The following GABRG3 variants were observed in gnomAD, a reference collection of about 807,000 sequenced individuals.
GABRG3 encodes the protein gamma-aminobutyric acid type A receptor subunit gamma3, also known as gamma-aminobutyric acid receptor subunit gamma-3.
GABRG3 carries 25 observed loss-of-function variants against 48.8 expected under a neutral mutation model. That is an observed-to-expected ratio of 0.51 (90% CI 0.37 to 0.72). The LOEUF (loss-of-function observed/expected upper bound fraction) is 0.72, where lower values mean the gene tolerates loss of function less well. GABRG3 is among the 30% of genes least tolerant of loss of function. The pLI is 0.00. For missense variants in GABRG3, 394 were observed against 577.9 expected (o/e 0.68, Z 3.26); for synonymous variants, 227 against 217.6 (o/e 1.04, Z -0.38).
In GABRG3 at chr15:27,086,116, GTTT is replaced by G. The variant is rs5811477; in HGVS notation, c.270+59310_270+59312del. ...AATTGAACCTTTTGGAGTTTTGGCA[GTTT>G]TTTTTTTTTTTTTTCTTGTAAAGGA... is the stretch of plus-strand genomic sequence containing the variant. On this transcript the variant is annotated intron_variant, in intron 3 of 9. Transcript: ENST00000615808. 6.7e-3 allele frequency among the ~76,000 whole-genome samples: 930 copies of G among 139,504 alleles called. 6 individuals carry two copies. Among genetic ancestry groups the G allele is most frequent in the African/African-American group, 0.014 (542 of 38,268 alleles). 91.5% of individuals were successfully genotyped at this position (139,504 alleles called of 152,430 possible). A position where few individuals can be genotyped will look rare whatever the true frequency, so the allele number is the denominator to read the frequency against.
intron 2 of GABRG3, among the ~76,000 whole-genome samples, chr15:27,020,734 C>T (rs544408129): frequency 3.3e-5 from 5 of 152,092 alleles, no homozygotes; most frequent in East Asian, 1.9e-4. Context: ...TTCTATCTCT[C>T]GCTTGTTTTT....
chr15:26,996,484 C>A (rs1200612870), intron 2 of GABRG3, among the ~76,000 whole-genome samples: 1 of 151,984 alleles, frequency 6.6e-6, no homozygotes, highest in Non-Finnish European at 1.5e-5. Flanking sequence ...TCTCTTGCGG[C>A]TTCCAAGATT....
chr15:27,436,995 T>TAGAGAGAG (rs10549691), intron 5 of GABRG3, among the ~76,000 whole-genome samples: 3,701 of 130,472 alleles, frequency 0.028, 144 homozygotes, highest in African/African-American at 0.087. Flanking sequence ...CTCCGAAAAA[T>TAGAGAGAG]AGAGAGAGAG....
intron 5 of GABRG3, among the ~76,000 whole-genome samples, chr15:27,436,101 A>G (rs967038030): frequency 6.6e-6 from 1 of 152,226 alleles, no homozygotes; most frequent in African/African-American, 2.4e-5. Flanking sequence ...ACAGTAGAAT[A>G]CCAAAGACTG....
chr15:27,532,427 CAAAAAA>C (rs374534463), intron 9 of GABRG3, among the ~76,000 whole-genome samples, 167 bp from the exon 10 acceptor site: 2 of 74,680 alleles, frequency 2.7e-5, no homozygotes, highest in Admixed American at 3.2e-4. Context: ...TCCTTAAAAC[CAAAAAA>C]AAAAAAAAAA....
rs979648994 is a variant in GABRG3, at chr15:27,026,760, C to T, written c.209C>T (p.Pro70Leu). Residue 70 changes from proline to leucine, a missense_variant, in exon 3 of 10, where the codon CCG becomes CTG. Pro to Leu is a moderately conservative substitution (Grantham distance 98). This residue lies in a region of GABRG3 where 218 missense variants were observed against 309.9 expected (regional missense o/e 0.70). Coordinates refer to ENST00000615808, the MANE Select transcript of GABRG3 (RefSeq NM_033223.5). ...KKLRPDIGIKPTVIDVDIYVN... is the reference protein window; with the variant it reads ...KKLRPDIGIKLTVIDVDIYVN... ...CATGTATTTTTCTCCACAGTAAAACCGACCGTAATTGACGTTGACATTTAT... is the reference window on the plus strand; with the variant it reads ...CATGTATTTTTCTCCACAGTAAAACTGACCGTAATTGACGTTGACATTTAT... 7 of 1,610,770 alleles carry T rather than the reference C, an allele frequency of 4.3e-6. No individual in the cohort carries two copies. The highest frequency in any genetic ancestry group is 1.3e-5 in the African/African-American group (1 of 74,914).
At chr15:27,191,878 T>C (rs1219449702) in intron 3 of GABRG3, among the ~76,000 whole-genome samples, 1 of 152,066 alleles carries the variant, frequency 6.6e-6, no homozygotes, top group Non-Finnish European at 1.5e-5. Context: ...TTTTCCTTTC[T>C]ATGTTTAGTG....
intron 6 of GABRG3, among the ~76,000 whole-genome samples, chr15:27,490,200 A>T (rs974394046): frequency 6.6e-6 from 1 of 152,196 alleles, no homozygotes; most frequent in Admixed American, 6.5e-5. Context: ...GAGCAGATTG[A>T]TTTTAGTTGG....
chr15:27,475,617 G>C (rs1334069939), intron 5 of GABRG3, among the ~76,000 whole-genome samples: 1 of 151,880 alleles, frequency 6.6e-6, no homozygotes, highest in African/African-American at 2.4e-5. Context: ...AATGGTGGTG[G>C]TGATGATGAT....
At chr15:27,239,647 A>C (rs2140452903) in intron 3 of GABRG3, among the ~76,000 whole-genome samples, 1 of 152,364 alleles carries the variant, frequency 6.6e-6, no homozygotes. Context: ...GAGATGCTTC[A>C]GAAATTATGT....
At chr15:27,395,776 A>C (rs908731689) in intron 5 of GABRG3, among the ~76,000 whole-genome samples, 4 of 152,242 alleles carry the variant, frequency 2.6e-5, no homozygotes, top group Admixed American at 2.6e-4. Context: ...AAAATATGGG[A>C]CAAATTCTGC....
chr15:27,205,725 T>TA (rs1408048004), intron 3 of GABRG3, among the ~76,000 whole-genome samples: 2 of 152,004 alleles, frequency 1.3e-5, no homozygotes, highest in African/African-American at 4.8e-5. Context: ...TTTTTTTTTT[T>TA]TTATTACTGA....
intron 5 of GABRG3, among the ~76,000 whole-genome samples, chr15:27,367,507 A>G (rs1595708285): frequency 2.0e-5 from 3 of 152,332 alleles, no homozygotes; most frequent in African/African-American, 7.2e-5. Flanking sequence ...ATATTGCTTC[A>G]TAGAGTCTAC....
chr15:27,320,766 A>G lies in GABRG3; in HGVS notation c.271-6043A>G, dbSNP rs149657556. On this transcript the variant is annotated intron_variant, in intron 3 of 9. Transcript: ENST00000615808. ...TAAAAATAAGATCTATTCCTTTTAG[A>G]TGTGATTTTTGTGATATTTGCAGTT... Among the ~76,000 whole-genome samples the G allele has an allele frequency of 3.8e-3, 580 of 152,262 alleles. 4 individuals are homozygous for G. Among genetic ancestry groups the G allele is most frequent in the Admixed American group, 0.027 (416 of 15,298 alleles).
chr15:27,029,191 G>A (rs1896036528), intron 3 of GABRG3, among the ~76,000 whole-genome samples: 1 of 152,192 alleles, frequency 6.6e-6, no homozygotes, highest in Admixed American at 6.5e-5. Context: ...CCTACTGAAG[G>A]GGTGGGGAGC....
chr15:27,028,398 C>T (rs930814470), intron 3 of GABRG3, among the ~76,000 whole-genome samples: 3 of 152,176 alleles, frequency 2.0e-5, no homozygotes, highest in Admixed American at 6.5e-5. Context: ...GGCCCTGAAG[C>T]TGCAGTTAAG....
chr15:27,030,518 G>A (rs946615913), intron 3 of GABRG3, among the ~76,000 whole-genome samples: 2 of 152,198 alleles, frequency 1.3e-5, no homozygotes, highest in Non-Finnish European at 2.9e-5. Flanking sequence ...AGCTTTCACA[G>A]CATCCTCTGC....
At chr15:27,518,030 C>T (rs564770397) in intron 6 of GABRG3, among the ~76,000 whole-genome samples, 2 of 151,796 alleles carry the variant, frequency 1.3e-5, no homozygotes, top group African/African-American at 4.8e-5. Context: ...AGACCAATAC[C>T]ATCTCCCTGT....
intron 3 of GABRG3, among the ~76,000 whole-genome samples, chr15:27,318,162 G>A (rs551895055): frequency 7.1e-4 from 108 of 152,230 alleles, no homozygotes; most frequent in African/African-American, 2.5e-3. Flanking sequence ...TGAGCACTTT[G>A]GAAGGGTACT....
Sources: allele counts gnomAD v4.1 joint callset (sites outside exome capture counted in the v4.1 genomes callset), GRCh38; gene constraint gnomAD v4.1.1; regional missense constraint gnomAD v4.1.1; transcripts MANE v1.5; gene names NCBI Gene and HGNC (gene_info 2026-07-23, HGNC 2026-07-21).